Variants in ASMT observed in about 807,000 individuals in gnomAD.
ASMT encodes the protein acetylserotonin O-methyltransferase.
A neutral mutation model predicts 41.3 loss-of-function variants in ASMT; 53 were observed. The ratio of observed to expected loss-of-function variants is 1.28; its 90% CI spans 1.03 to 1.61. The LOEUF (loss-of-function observed/expected upper bound fraction) is 1.61. Ranked by LOEUF, ASMT falls within the 40% of genes most tolerant of loss-of-function variation. The probability of loss-of-function intolerance (pLI) is 0.00; values close to 1 mark genes in which losing one functional copy is unlikely to be tolerated. For synonymous variants in ASMT, 231 were observed against 184.8 expected (o/e 1.25, Z -2.03); for missense variants, 531 against 441.3 (o/e 1.20, Z -1.82).
intron 1 of ASMT, among the ~76,000 whole-genome samples, chrX:1,616,846 T>C (rs371217963): frequency 0.021 from 3,155 of 151,344 alleles, 93 homozygotes; most frequent in African/African-American, 0.066. Context: ...GTAGCTGGGA[T>C]TACAGGCACC....
chrX:1,615,278 G>A lies in ASMT; in HGVS notation c.69+10G>A, dbSNP rs1437327467. ...CTTCATGGTGTCCCAGGTAGGATAC[G>A]CTCTGTGGGACAAGGGGGAATAGAC... On this transcript the variant is annotated intron_variant, in intron 1 of 8. Transcript: ENST00000381241. The A allele has an allele frequency of 1.1e-5, 17 of 1,585,230 alleles. No homozygotes were observed. The highest frequency in any genetic ancestry group is 1.7e-4 in the Middle Eastern group (1 of 6,048).
intron 5 of ASMT, among the ~76,000 whole-genome samples, chrX:1,630,356 A>G: frequency 1.5e-5 from 2 of 129,294 alleles, no homozygotes; most frequent in East Asian, 4.7e-4. Context: ...CCCAGGCTGG[A>G]GTGCAGTGGC....
At position 1,636,508 on chromosome X, in the gene ASMT, A is replaced by G; in HGVS notation, c.858A>G (p.Ala286=). 3 of 1,613,934 alleles carry G rather than the reference A, an allele frequency of 1.9e-6. No homozygotes were observed. The highest frequency in any genetic ancestry group is 2.5e-6 in the Non-Finnish European group (3 of 1,179,860). The part of the protein sequence containing the change: ...YILARVLHDW[A]DGKCSHLLER... Reference sequence around the variant, plus strand: ...TGGCCAGGGTCCTCCATGACTGGGCAGACGGAAAGTGCTCACACCTGCTGG... The same window carrying G: ...TGGCCAGGGTCCTCCATGACTGGGCGGACGGAAAGTGCTCACACCTGCTGG... The change falls in exon 8 of 9, where the codon GCA becomes GCG. Residue 286 remains alanine, a synonymous_variant. Coordinates refer to ENST00000381241, the MANE Select transcript of ASMT (RefSeq NM_001171038.2).
intron 3 of ASMT, 60 bp from the exon 4 acceptor site, chrX:1,627,623 CGAAATGAAACGAAATGAAAT>C (rs1245554908): frequency 1.1e-5 from 12 of 1,126,860 alleles, no homozygotes; most frequent in East Asian, 3.0e-5. Context: ...TGAAATGAAA[CGAAATGAAACGAAATGAAAT>C]GAAATGAAAT....
chrX:1,615,816 C>T (rs753947404), intron 1 of ASMT, among the ~76,000 whole-genome samples: 1 of 150,122 alleles, frequency 6.7e-6, no homozygotes, highest in African/African-American at 2.4e-5. Flanking sequence ...AAAAACCAAA[C>T]AAACAACAAA....
intron 4 of ASMT, among the ~76,000 whole-genome samples, chrX:1,628,194 G>T (rs1346351132): frequency 6.6e-6 from 1 of 152,180 alleles, no homozygotes; most frequent in African/African-American, 2.4e-5. Flanking sequence ...GGTGGCGGAC[G>T]CCTGTAATCC....
At chrX:1,629,723 G>C (rs1276293419) in intron 4 of ASMT, 98 bp from the exon 5 acceptor site, 5 of 1,081,334 alleles carry the variant, frequency 4.6e-6, no homozygotes, top group Non-Finnish European at 7.2e-6. Flanking sequence ...TGCACCTGTG[G>C]GGTATAGCTC....
Position 1,636,512 on chromosome X carries a change from G to A in ASMT, c.862G>A (p.Gly288Arg), listed in dbSNP as rs751625765. 19 of 1,613,906 alleles carry A rather than the reference G, an allele frequency of 1.2e-5. No individual in the cohort carries two copies. Among genetic ancestry groups the A allele is most frequent in the East Asian group, 1.1e-4 (5 of 44,872 alleles). ...CAGGGTCCTCCATGACTGGGCAGAC[G>A]GAAAGTGCTCACACCTGCTGGAGAG... ...LARVLHDWAD[G>R]KCSHLLERIY... The change falls in exon 8 of 9, where the codon GGA becomes AGA. Residue 288 changes from glycine (G) to arginine (R), a missense_variant. By Grantham distance (125) the Gly-to-Arg change is moderately radical (BLOSUM62 -2). Coordinates refer to ENST00000381241, the MANE Select transcript of ASMT (RefSeq NM_001171038.2).
intron 1 of ASMT, among the ~76,000 whole-genome samples, chrX:1,622,055 C>T (rs1198248716): frequency 4.0e-5 from 6 of 151,044 alleles, no homozygotes; most frequent in South Asian, 2.1e-4. Context: ...TGCAGTGATG[C>T]GATCTTGGCT....
At chrX:1,623,465 G>T in intron 2 of ASMT, 152 bp downstream of exon 2, 3 of 941,758 alleles carry the variant, frequency 3.2e-6, no homozygotes, top group Non-Finnish European at 5.0e-6. Context: ...CGGGTGTGGT[G>T]GCGTGCACCT....
Position 1,627,606 on chromosome X carries a change from G to A in ASMT, c.375-97G>A. ...ATTGCACTCCAGCCTGGGCTACAGA[G>A]CTGAAATGAAATGAAACGAAATGAA... On this transcript the variant is annotated intron_variant, in intron 3 of 8. Coordinates refer to ENST00000381241, the MANE Select transcript of ASMT (RefSeq NM_001171038.2). The A allele has an allele frequency of 1.0e-5, 13 of 1,285,748 alleles. No individual in the cohort carries two copies. In the South Asian group the frequency reaches 1.5e-4, roughly 15 times the overall value. The allele number at this position is 1,285,748 out of a possible 1,614,324, so 79.6% of individuals were successfully genotyped here. A position where few individuals can be genotyped will look rare whatever the true frequency, so the allele number is the denominator to read the frequency against.
chrX:1,618,656 C>T lies in ASMT; in HGVS notation c.69+3388C>T, dbSNP rs187860775. ...TTCATCATGTTGTCCAGGCTGGTCT[C>T]GAACTCCTGACCTCGGGTGATCTGC... On this transcript the variant is annotated intron_variant, in intron 1 of 8. Coordinates refer to ENST00000381241, the MANE Select transcript of ASMT (RefSeq NM_001171038.2). Among the ~76,000 whole-genome samples, 1,312 of 151,322 alleles carry T rather than the reference C, an allele frequency of 8.7e-3. 18 individuals carry two copies. Among genetic ancestry groups the T allele is most frequent in the African/African-American group, 0.028 (1,160 of 41,190 alleles).
chrX:1,633,378 T>G (rs1243986475), intron 7 of ASMT, 88 bp downstream of exon 7: 3 of 1,561,998 alleles, frequency 1.9e-6, no homozygotes, highest in Admixed American at 1.7e-5. Context: ...GAAGATGTGA[T>G]GTGGTTTTCC....
At chrX:1,623,493 G>A (rs1446477235) in intron 2 of ASMT, 180 bp downstream of exon 2, 6 of 259,550 alleles carry the variant, frequency 2.3e-5, no homozygotes, top group Non-Finnish European at 3.0e-5. Flanking sequence ...CAGCTACTCA[G>A]GAGGCTGAGG....
chrX:1,619,161 C>T (rs1384431324), intron 1 of ASMT, among the ~76,000 whole-genome samples: 12 of 152,060 alleles, frequency 7.9e-5, no homozygotes, highest in Non-Finnish European at 1.5e-4. Context: ...TTTGGGAGGC[C>T]GAGGCGGGCG....
In ASMT at chrX:1,623,180, C is replaced by G. The variant is rs746504726; in HGVS notation, c.111C>G (p.Leu37=). 1 of 1,613,172 alleles carries G rather than the reference C, an allele frequency of 6.2e-7. No individual in the cohort carries two copies. The highest frequency in any genetic ancestry group is 2.2e-5 in the East Asian group (1 of 44,868). ...AACELGVFDL[L]AEAPGPLDVA... is the part of the protein sequence containing the mutation. ...GCGAGCTGGGCGTGTTTGACCTTCT[C>G]GCCGAGGCCCCAGGGCCCCTGGACG... The change falls in exon 2 of 9, where the codon CTC becomes CTG. Residue 37 remains leucine (L), a synonymous_variant. Coordinates refer to ENST00000381241, the MANE Select transcript of ASMT (RefSeq NM_001171038.2).
chrX:1,634,903 G>A (rs1934901343), intron 7 of ASMT, among the ~76,000 whole-genome samples: 1 of 151,724 alleles, frequency 6.6e-6, no homozygotes, highest in Non-Finnish European at 1.5e-5. Context: ...CTGACCTCGT[G>A]ATCCACCTGC....
At chrX:1,617,144 G>C (rs1488922796) in intron 1 of ASMT, among the ~76,000 whole-genome samples, 1 of 152,026 alleles carries the variant, frequency 6.6e-6, no homozygotes, top group Non-Finnish European at 1.5e-5. Flanking sequence ...CTGCACTCCA[G>C]CCTGGATGAC....
chrX:1,629,999 T>C, intron 5 of ASMT, 60 bp downstream of exon 5: 1 of 1,360,012 alleles, frequency 7.4e-7, no homozygotes, highest in Non-Finnish European at 1.1e-6. Context: ...ATGGGGAATG[T>C]GTTATTCATG....
Sources: allele counts gnomAD v4.1 joint callset (sites outside exome capture counted in the v4.1 genomes callset), GRCh38; gene constraint gnomAD v4.1.1; transcripts MANE v1.5; gene names NCBI Gene and HGNC (gene_info 2026-07-23, HGNC 2026-07-21).